The following KHDRBS2 variants were observed in gnomAD, a reference collection of about 807,000 sequenced individuals.
KHDRBS2 encodes KH RNA binding domain containing, signal transduction associated 2, also known as KH domain-containing, RNA-binding, signal transduction-associated protein 2.
Under a neutral mutation model 44.3 loss-of-function variants are expected in KHDRBS2, and 26 were observed. That is an observed-to-expected ratio of 0.59 (90% CI 0.43 to 0.81). KHDRBS2 has a LOEUF of 0.81. Ranked by LOEUF, KHDRBS2 falls within the 40% of genes least tolerant of loss-of-function variation. The pLI is 0.00. For synonymous variants in KHDRBS2, 194 were observed against 151.1 expected, an observed-to-expected ratio of 1.28 and a Z score of -2.08; for missense variants, 476 against 433.1, an observed-to-expected ratio of 1.10 and a Z score of -0.88.
chr6:61,914,417 C>A (rs1206397747), intron 4 of KHDRBS2, among the ~76,000 whole-genome samples: 1 of 151,238 alleles, frequency 6.6e-6, no homozygotes, highest in Non-Finnish European at 1.5e-5. Flanking sequence ...GGACAAAAAA[C>A]CAAACACTGC....
chr6:61,771,472 A>T (rs1326996836), intron 6 of KHDRBS2, among the ~76,000 whole-genome samples: 2 of 152,222 alleles, frequency 1.3e-5, no homozygotes, highest in African/African-American at 2.4e-5. Context: ...CATAGGCTCA[A>T]AATAAAGGGA....
At chr6:61,902,506 AACACAC>A (rs34224070) in intron 4 of KHDRBS2, among the ~76,000 whole-genome samples, 5 of 149,600 alleles carry the variant, frequency 3.3e-5, no homozygotes, top group Non-Finnish European at 7.4e-5. Flanking sequence ...TTTACTAATC[AACACAC>A]ACACACACAC....
chr6:61,638,739 A>G, the KHDRBS2 span, among the ~76,000 whole-genome samples: 3 of 152,180 alleles, frequency 2.0e-5, no homozygotes, highest in African/African-American at 4.8e-5. Context: ...ATAGTTCAAC[A>G]TATATAATTA....
At chr6:62,275,931 T>C (rs1359031805) in intron 1 of KHDRBS2, among the ~76,000 whole-genome samples, 1 of 152,210 alleles carries the variant, frequency 6.6e-6, no homozygotes, top group Non-Finnish European at 1.5e-5. Context: ...ACTGTATATG[T>C]TCAAAAAAAG....
chr6:61,639,617 T>G, the KHDRBS2 span, among the ~76,000 whole-genome samples: 1 of 152,072 alleles, frequency 6.6e-6, no homozygotes, highest in South Asian at 2.1e-4. Context: ...TGCTGTCATG[T>G]TGTCATTTTA....
At chr6:62,027,283 C>T (rs570869483) in intron 3 of KHDRBS2, among the ~76,000 whole-genome samples, 84 of 152,094 alleles carry the variant, frequency 5.5e-4, no homozygotes, top group African/African-American at 2.0e-3. Flanking sequence ...TTAGTGCCAA[C>T]TGCATTTAAT....
chr6:62,009,588 C>A (rs989562611), intron 3 of KHDRBS2, among the ~76,000 whole-genome samples: 1 of 152,154 alleles, frequency 6.6e-6, no homozygotes, highest in African/African-American at 2.4e-5. Context: ...CCATCACAGG[C>A]CCAGAGGCCT....
intron 5 of KHDRBS2, among the ~76,000 whole-genome samples, chr6:61,896,928 C>A (rs565445913): frequency 2.0e-4 from 31 of 152,216 alleles, no homozygotes; most frequent in African/African-American, 6.7e-4. Flanking sequence ...TTTTATGACT[C>A]TGCTTTTCTC....
At chr6:62,218,787 A>T (rs1204160664) in intron 1 of KHDRBS2, among the ~76,000 whole-genome samples, 1 of 151,932 alleles carries the variant, frequency 6.6e-6, no homozygotes, top group African/African-American at 2.4e-5. Flanking sequence ...ATCAACAGAT[A>T]ACTGGATAAA....
intron 6 of KHDRBS2, among the ~76,000 whole-genome samples, chr6:61,847,555 C>T (rs1794592468): frequency 6.6e-6 from 1 of 152,022 alleles, no homozygotes; most frequent in East Asian, 1.9e-4. Flanking sequence ...CTCAAGTACT[C>T]TTACTTGAGG....
the KHDRBS2 span, among the ~76,000 whole-genome samples, chr6:61,619,630 T>C: frequency 6.6e-6 from 1 of 152,130 alleles, no homozygotes; most frequent in Admixed American, 6.6e-5. Flanking sequence ...AATTTTGTAT[T>C]TTCAGTAGAG....
chr6:62,202,526 C>A (rs1361360610), intron 1 of KHDRBS2, among the ~76,000 whole-genome samples: 1 of 151,672 alleles, frequency 6.6e-6, no homozygotes, highest in East Asian at 1.9e-4. Context: ...TTTCTCCCTA[C>A]TGACTAGCTG....
chr6:62,148,427 CAGAT>C (rs1257062695), intron 2 of KHDRBS2, among the ~76,000 whole-genome samples: 1 of 151,862 alleles, frequency 6.6e-6, no homozygotes, highest in Admixed American at 6.6e-5. Context: ...ATTGAATGAA[CAGAT>C]AGAGTACAAT....
In KHDRBS2 at chr6:62,037,579, G is replaced by A. The variant is rs534899131; in HGVS notation, c.336+10299C>T. 3.9e-5 allele frequency among the ~76,000 whole-genome samples: 6 copies of A among 152,020 alleles called. No individual in the cohort carries two copies. The East Asian group carries it at 9.7e-4, about 25-fold the overall frequency. On this transcript the variant is annotated intron_variant, in intron 3 of 8. Transcript: ENST00000281156. The stretch of plus-strand genomic sequence containing the variant: ...AAGAGAAAACAGTAAGCCCACTATT[G>A]AGGAACAGGAAGCAGCAAATAGAGG...
Position 61,975,680 on chromosome 6 carries a change from C to CAG in KHDRBS2, c.483+2384_483+2385dup, listed in dbSNP as rs1554301039. On this transcript the variant is annotated intron_variant, in intron 4 of 8. Coordinates refer to ENST00000281156, the MANE Select transcript of KHDRBS2 (RefSeq NM_152688.4). ...ACACACACACACACACACACACACA[C>CAG]AGAGAGATATAAAACATCTGAAGGT... Among the ~76,000 whole-genome samples the CAG allele has an allele frequency of 1.3e-3, 194 of 149,856 alleles. No individual in the cohort carries two copies. In the East Asian group the frequency reaches 0.02, roughly 15 times the overall value.
At chr6:61,953,957 T>A (rs1274138676) in intron 4 of KHDRBS2, among the ~76,000 whole-genome samples, 1 of 151,930 alleles carries the variant, frequency 6.6e-6, no homozygotes, top group Admixed American at 6.6e-5. Flanking sequence ...GTTTCTAGAC[T>A]GAAAAAAAGA....
chr6:61,825,162 A>G (rs1005229830), intron 6 of KHDRBS2, among the ~76,000 whole-genome samples: 2 of 152,208 alleles, frequency 1.3e-5, no homozygotes, highest in African/African-American at 4.8e-5. Flanking sequence ...TAGTCTGAAA[A>G]TGAAACTAAT....
the KHDRBS2 span, among the ~76,000 whole-genome samples, chr6:61,600,650 A>G: frequency 6.6e-6 from 1 of 151,978 alleles, no homozygotes; most frequent in Non-Finnish European, 1.5e-5. Flanking sequence ...GGTGCCGAAG[A>G]CCCGGGTCAG....
chr6:61,612,575 G>C, the KHDRBS2 span, among the ~76,000 whole-genome samples: 1 of 152,126 alleles, frequency 6.6e-6, no homozygotes, highest in Admixed American at 6.5e-5. Context: ...CATAGTGCCA[G>C]GCACAAAAGA....
Sources: allele counts gnomAD v4.1 joint callset (sites outside exome capture counted in the v4.1 genomes callset), GRCh38; gene constraint gnomAD v4.1.1; transcripts MANE v1.5; gene names NCBI Gene and HGNC (gene_info 2026-07-23, HGNC 2026-07-21).